STARD9: variants seen among roughly 807,000 people sequenced by gnomAD.
STARD9 encodes the protein stAR-related lipid transfer protein 9.
Under a neutral mutation model 399.8 loss-of-function variants are expected in STARD9, and 346 were observed. That is an observed-to-expected ratio of 0.87 (90% confidence interval 0.79 to 0.95). STARD9 has a LOEUF of 0.95. STARD9 is among the 40% of genes least tolerant of loss of function. The probability of loss-of-function intolerance (pLI) is 0.00; values close to 1 mark genes in which losing one functional copy is unlikely to be tolerated. For synonymous variants in STARD9, 2,203 were observed against 2,143.5 expected (o/e 1.03, Z -0.77); for missense variants, 5,832 against 5,667.5 (o/e 1.03, Z -0.93).
chr15:42,662,783 CTG>C lies in STARD9; in HGVS notation c.771-7_771-6del. On this transcript the variant is annotated splice_polypyrimidine_tract_variant and intron_variant, in intron 10 of 32. Coordinates refer to ENST00000290607, the MANE Select transcript of STARD9 (RefSeq NM_020759.3). Reference sequence around the variant, plus strand: ...TGCTTTTGTTTTTGTTTTTCATTGACTGTGTTTTAGCGAAAGAGCAGATCCCA... The same window carrying C: ...TGCTTTTGTTTTTGTTTTTCATTGACTGTTTTAGCGAAAGAGCAGATCCCA... The C allele has an allele frequency of 6.5e-7, 1 of 1,530,162 alleles. No individual in the cohort carries two copies. Among genetic ancestry groups the C allele is most frequent in the Non-Finnish European group, 8.8e-7 (1 of 1,140,702 alleles). The allele number at this position is 1,530,162 out of a possible 1,614,324, so 94.8% of individuals were successfully genotyped here.
intron 26 of STARD9, among the ~76,000 whole-genome samples, chr15:42,708,840 C>CA (rs1224198545): frequency 1.4e-4 from 21 of 151,024 alleles, no homozygotes; most frequent in Non-Finnish European, 2.5e-4. Context: ...GCGTTTTTGG[C>CA]AAAAAAAATA....
At chr15:42,635,611 G>C (rs890830539) in intron 4 of STARD9, among the ~76,000 whole-genome samples, 4 of 152,174 alleles carry the variant, frequency 2.6e-5, no homozygotes, top group African/African-American at 7.2e-5. Context: ...TTACAGGCAT[G>C]AGCCACCATG....
intron 11 of STARD9, 102 bp downstream of exon 11, chr15:42,662,993 GT>G: frequency 1.1e-6 from 1 of 923,580 alleles, no homozygotes; most frequent in Non-Finnish European, 1.7e-6. Flanking sequence ...TTTTGATAAG[GT>G]TACCTTCTGG....
Position 42,693,808 on chromosome 15 carries a change from C to A in STARD9, c.12230C>A (p.Ser4077Tyr). ...GEPQRTLDRPSSWGGLQHLSP... is the reference protein window; with the variant it reads ...GEPQRTLDRPYSWGGLQHLSP... ...CCACAACGCACTCTGGACCGACCTT[C>A]TTCATGGGGAGGCCTCCAGCACCTC... Residue 4077 changes from serine to tyrosine, a missense_variant, in exon 23 of 33, where the codon TCT becomes TAT. This residue lies in a region of STARD9 where 5,828 missense variants were observed against 5,651.1 expected (regional missense o/e 1.03). Transcript: ENST00000290607. 6.5e-7 allele frequency: 1 copy of A among 1,536,470 alleles called. No homozygotes were observed. The highest frequency in any genetic ancestry group is 2.4e-5 in the East Asian group (1 of 40,908).
At chr15:42,669,471 C>A in intron 16 of STARD9, 134 bp downstream of exon 16, 1 of 778,572 alleles carries the variant, frequency 1.3e-6, no homozygotes, top group Non-Finnish European at 1.9e-6. Flanking sequence ...TTCAGGTTTG[C>A]TCTCAGGAAA....
rs79217325 is a variant in STARD9, at chr15:42,678,690, T to A, written c.1874+2715T>A. 8.6e-5 allele frequency among the ~76,000 whole-genome samples: 13 copies of A among 151,788 alleles called. No individual in the cohort carries two copies. In the East Asian group the frequency reaches 2.1e-3, roughly 25 times the overall value. ...GAAGAAGCAGGAGAGTGCAGTGGAG[T>A]CCTCACAAGCAGGTGTCTAGGCAGC... On this transcript the variant is annotated intron_variant, in intron 20 of 32. Coordinates refer to ENST00000290607, the MANE Select transcript of STARD9 (RefSeq NM_020759.3).
At chr15:42,646,928 CAG>C (rs1326914763) in intron 7 of STARD9, among the ~76,000 whole-genome samples, 1 of 152,122 alleles carries the variant, frequency 6.6e-6, no homozygotes, top group African/African-American at 2.4e-5. Flanking sequence ...TGTTGTGTCT[CAG>C]GGAATAGGGA....
At chr15:42,695,913 G>A (rs755166909) in intron 26 of STARD9, 33 bp downstream of exon 26, 6 of 1,524,918 alleles carry the variant, frequency 3.9e-6, no homozygotes, top group Non-Finnish European at 5.3e-6. Flanking sequence ...TGAGCCAGGG[G>A]CCTGGACTGC....
At chr15:42,583,308 A>G in intron 1 of STARD9, 38 bp from the exon 2 acceptor site, 1 of 1,488,124 alleles carries the variant, frequency 6.7e-7, no homozygotes, top group Non-Finnish European at 9.0e-7. Flanking sequence ...CTTGATTTTA[A>G]AAACAACATT....
intron 26 of STARD9, among the ~76,000 whole-genome samples, chr15:42,710,890 GCT>G (rs34768575): frequency 2.0e-3 from 269 of 132,862 alleles, no homozygotes; most frequent in Non-Finnish European, 1.9e-3. Context: ...TCACTTGTGC[GCT>G]CTCTCTCTCT....
chr15:42,658,778 C>G (rs2059931256), intron 9 of STARD9, among the ~76,000 whole-genome samples: 1 of 151,936 alleles, frequency 6.6e-6, no homozygotes, highest in South Asian at 2.1e-4. Flanking sequence ...GCCACCGTGC[C>G]TGGCCCCTTT....
intron 2 of STARD9, among the ~76,000 whole-genome samples, chr15:42,584,334 G>A (rs1467715441): frequency 6.6e-6 from 1 of 152,198 alleles, no homozygotes; most frequent in East Asian, 1.9e-4. Context: ...GCTCCCCAGG[G>A]ACAAAGGACC....
chr15:42,639,382 T>C (rs2059488447), intron 7 of STARD9, among the ~76,000 whole-genome samples: 2 of 152,184 alleles, frequency 1.3e-5, no homozygotes, highest in African/African-American at 4.8e-5. Context: ...GTCCCCTTTC[T>C]CTGCCATTGG....
In STARD9 at chr15:42,575,654, A is replaced by G. The variant is rs762305371; in HGVS notation, c.-62A>G. 1 of 1,516,930 alleles carries G rather than the reference A, an allele frequency of 6.6e-7. No homozygotes were observed. The highest frequency in any genetic ancestry group is 8.8e-7 in the Non-Finnish European group (1 of 1,130,992). 94.0% of individuals were successfully genotyped at this position (1,516,930 alleles called of 1,614,324 possible). ...CTGGGTTGGGGCTGTGTCTGGGCTTAGGGCGGGGGCCTGGGATGCTGCCGC... is the reference window on the plus strand; with the variant it reads ...CTGGGTTGGGGCTGTGTCTGGGCTTGGGGCGGGGGCCTGGGATGCTGCCGC... On this transcript the variant is annotated 5_prime_UTR_variant, in exon 1 of 33. Coordinates refer to ENST00000290607, the MANE Select transcript of STARD9 (RefSeq NM_020759.3).
chr15:42,684,113 C>T lies in STARD9; in HGVS notation c.2538-3C>T. ...TCTGAGATAGCTTTCCTTGTCTTCA[C>T]AGCATTTTCCTAAGTTGGGATCCCT... On this transcript the variant is annotated splice_polypyrimidine_tract_variant and splice_region_variant and intron_variant, in intron 22 of 32. Coordinates refer to ENST00000290607, the MANE Select transcript of STARD9 (RefSeq NM_020759.3). 6.6e-7 allele frequency: 1 copy of T among 1,521,484 alleles called. No individual in the cohort carries two copies. Among genetic ancestry groups the T allele is most frequent in the Non-Finnish European group, 8.8e-7 (1 of 1,135,628 alleles). The allele number at this position is 1,521,484 out of a possible 1,614,324, so 94.2% of individuals were successfully genotyped here. A position where few individuals can be genotyped will look rare whatever the true frequency, so the allele number is the denominator to read the frequency against.
intron 3 of STARD9, among the ~76,000 whole-genome samples, chr15:42,621,427 CAG>C (rs1268487602): frequency 2.0e-5 from 3 of 152,132 alleles, no homozygotes; most frequent in African/African-American, 4.8e-5. Flanking sequence ...ACAAATTTAA[CAG>C]AGCTTAATTG....
intron 1 of STARD9, among the ~76,000 whole-genome samples, chr15:42,581,880 G>A (rs1039353188): frequency 6.6e-6 from 1 of 152,194 alleles, no homozygotes; most frequent in African/African-American, 2.4e-5. Flanking sequence ...GCCAGGCAGT[G>A]TGGCTTATGC....
chr15:42,655,062 A>C (rs2059838089), intron 9 of STARD9, among the ~76,000 whole-genome samples: 1 of 152,184 alleles, frequency 6.6e-6, no homozygotes, highest in Admixed American at 6.5e-5. Flanking sequence ...CAGGCGGATC[A>C]CTTGAGGTCA....
At chr15:42,710,584 G>A (rs545123634) in intron 26 of STARD9, among the ~76,000 whole-genome samples, 1 of 152,174 alleles carries the variant, frequency 6.6e-6, no homozygotes, top group South Asian at 2.1e-4. Context: ...CACAATATAT[G>A]ATCCTTTTTG....
Sources: gnomAD v4.1 joint callset for allele counts (sites outside exome capture counted in the v4.1 genomes callset) on GRCh38, gnomAD v4.1.1 for gene constraint, gnomAD v4.1.1 regional missense constraint, MANE v1.5 for transcripts, NCBI Gene and HGNC (gene_info 2026-07-23, HGNC 2026-07-21) for gene names.